The following STAG1 variants were observed in gnomAD, a reference collection of about 807,000 sequenced individuals.
STAG1 encodes the protein STAG1 cohesin complex component.
STAG1 carries 26 observed loss-of-function variants against 170.9 expected under a neutral mutation model. The observed-to-expected ratio is 0.15, with a 90% CI of 0.11 to 0.21. STAG1 has a LOEUF of 0.21. Ranked by LOEUF, STAG1 falls within the 10% of genes least tolerant of loss-of-function variation. STAG1 has a pLI of 1.00. For missense variants in STAG1, 964 were observed against 1,509.5 expected (o/e 0.64, Z 5.99); for synonymous variants, 514 against 497.7 (o/e 1.03, Z -0.44).
chr3:136,589,628 C>CA (rs71626007), intron 4 of STAG1, among the ~76,000 whole-genome samples: 9,306 of 45,274 alleles, frequency 0.21, 1,228 homozygotes, highest in African/African-American at 0.41. Flanking sequence ...CAAAGGGAGC[C>CA]AAAAAAAAAA....
At chr3:136,574,091 A>G (rs1175282256) in intron 4 of STAG1, among the ~76,000 whole-genome samples, 4 of 151,680 alleles carry the variant, frequency 2.6e-5, no homozygotes, top group Admixed American at 2.6e-4. Context: ...AATACCAAAA[A>G]TTAGGTGGGC....
At chr3:136,721,084 TATA>T (rs1172488503) in intron 1 of STAG1, among the ~76,000 whole-genome samples, 2 of 152,196 alleles carry the variant, frequency 1.3e-5, no homozygotes, top group Non-Finnish European at 2.9e-5. Flanking sequence ...ATTGGAAGTG[TATA>T]AAAGGTCAAC....
At chr3:136,462,565 A>C (rs549861627) in intron 13 of STAG1, among the ~76,000 whole-genome samples, 1 of 152,314 alleles carries the variant, frequency 6.6e-6, no homozygotes, top group East Asian at 1.9e-4. Flanking sequence ...TGGGTTCAAA[A>C]ATACAGTTAG....
intron 5 of STAG1, among the ~76,000 whole-genome samples, chr3:136,548,532 T>C (rs1936254468): frequency 6.6e-6 from 1 of 152,214 alleles, no homozygotes; most frequent in East Asian, 1.9e-4. Context: ...TGATTCCATA[T>C]GAAGTTCAGA....
intron 1 of STAG1, among the ~76,000 whole-genome samples, chr3:136,665,376 C>T (rs1349801451): frequency 6.6e-6 from 1 of 152,108 alleles, no homozygotes; most frequent in Non-Finnish European, 1.5e-5. Context: ...TTGTCCCTTG[C>T]TGTTACTCTT....
chr3:136,461,201 T>C (rs1469420626), intron 13 of STAG1, among the ~76,000 whole-genome samples: 1 of 152,120 alleles, frequency 6.6e-6, no homozygotes, highest in African/African-American at 2.4e-5. Flanking sequence ...AAAGTCCACA[T>C]ATGACAAACC....
chr3:136,619,611 G>C (rs919959929), intron 3 of STAG1, among the ~76,000 whole-genome samples: 3 of 151,800 alleles, frequency 2.0e-5, no homozygotes, highest in Non-Finnish European at 2.9e-5. Context: ...ACAAAGATTA[G>C]CCAGGTGTGG....
chr3:136,644,940 G>A (rs1363109822), intron 1 of STAG1, among the ~76,000 whole-genome samples: 2 of 151,988 alleles, frequency 1.3e-5, no homozygotes, highest in African/African-American at 2.4e-5. Flanking sequence ...ATATTGCCCA[G>A]GCTGGTGTCG....
At chr3:136,676,252 A>G (rs1576750449) in intron 1 of STAG1, among the ~76,000 whole-genome samples, 1 of 152,366 alleles carries the variant, frequency 6.6e-6, no homozygotes, top group South Asian at 2.1e-4. Context: ...ATTACTGTCC[A>G]TTACTGTAGA....
intron 6 of STAG1, among the ~76,000 whole-genome samples, chr3:136,540,942 TCA>T (rs956783705): frequency 6.6e-6 from 1 of 151,910 alleles, no homozygotes; most frequent in African/African-American, 2.4e-5. Flanking sequence ...ATGTGCATTT[TCA>T]CAGTGTCTTT....
intron 21 of STAG1, among the ~76,000 whole-genome samples, chr3:136,403,511 T>C (rs1330666532): frequency 6.6e-6 from 1 of 152,046 alleles, no homozygotes; most frequent in Non-Finnish European, 1.5e-5. Context: ...AGGTAAATTC[T>C]AAATTATAAT....
chr3:136,563,121 CT>C, intron 5 of STAG1, among the ~76,000 whole-genome samples: 1 of 152,260 alleles, frequency 6.6e-6, no homozygotes, highest in African/African-American at 2.4e-5. Context: ...TGTTAAGGTG[CT>C]ATCTATCAAG....
At position 136,592,550 on chromosome 3, in the gene STAG1, C is replaced by T. The variant is rs533613301; in HGVS notation, c.297+11759G>A. Among the ~76,000 whole-genome samples the T allele has an allele frequency of 3.2e-4, 48 of 152,222 alleles. 1 individual carries two copies. The highest frequency in any genetic ancestry group is 1.0e-3 in the African/African-American group (43 of 41,538). On this transcript the variant is annotated intron_variant, in intron 4 of 33. Transcript: ENST00000383202. ...ATGTGAGAACAAACTAATACACTTG[C>T]CCATATATTCAACTCCCTCAACCCT...
intron 7 of STAG1, among the ~76,000 whole-genome samples, chr3:136,507,975 A>C (rs1435535664): frequency 6.6e-6 from 1 of 152,184 alleles, no homozygotes; most frequent in Non-Finnish European, 1.5e-5. Flanking sequence ...GGCAATAAGA[A>C]GGTAACTGCT....
chr3:136,637,473 A>C (rs940738413), intron 1 of STAG1, among the ~76,000 whole-genome samples: 4 of 152,220 alleles, frequency 2.6e-5, no homozygotes, highest in African/African-American at 9.6e-5. Flanking sequence ...TGGCAACAGC[A>C]GGTTAGATCA....
intron 7 of STAG1, among the ~76,000 whole-genome samples, chr3:136,514,870 C>T (rs1934269114): frequency 6.6e-6 from 1 of 151,982 alleles, no homozygotes. Context: ...ACTGAGAACA[C>T]TTGGACACAG....
chr3:136,596,426 GAC>G (rs1379751573), intron 4 of STAG1, among the ~76,000 whole-genome samples: 1 of 151,750 alleles, frequency 6.6e-6, no homozygotes, highest in Non-Finnish European at 1.5e-5. Context: ...TTTTTTTTCA[GAC>G]ATAATAATAT....
chr3:136,669,868 CAA>C (rs1218189317), intron 1 of STAG1, among the ~76,000 whole-genome samples: 3 of 152,208 alleles, frequency 2.0e-5, no homozygotes, highest in African/African-American at 7.2e-5. Context: ...ACATTTACTT[CAA>C]AGACTACTCA....
At chr3:136,674,133 GGGAAGGAA>G (rs1942057967) in intron 1 of STAG1, among the ~76,000 whole-genome samples, 1 of 103,832 alleles carries the variant, frequency 9.6e-6, no homozygotes, top group African/African-American at 3.7e-5. Context: ...GAGGGAGGGA[GGGAAGGAA>G]GGAGGGAGGG....
Sources: allele counts gnomAD v4.1 joint callset (sites outside exome capture counted in the v4.1 genomes callset), GRCh38; gene constraint gnomAD v4.1.1; transcripts MANE v1.5; gene names NCBI Gene and HGNC (gene_info 2026-07-23, HGNC 2026-07-21).